CASZ1: variants seen among roughly 807,000 people sequenced by gnomAD.
CASZ1 encodes zinc finger protein castor homolog 1.
Under a neutral mutation model 135.2 loss-of-function variants are expected in CASZ1, and 28 were observed. That is an observed-to-expected ratio of 0.21 (90% CI 0.15 to 0.28). CASZ1 has a LOEUF of 0.28. CASZ1 is among the 10% of genes least tolerant of loss of function. The pLI is 1.00. For missense variants in CASZ1, 2,161 were observed against 2,453.3 expected, an observed-to-expected ratio of 0.88 and a Z score of 2.52; for synonymous variants, 1,068 against 1,073.4, an observed-to-expected ratio of 0.99 and a Z score of 0.10.
chr1:10,655,905 C>A, intron 8 of CASZ1, 92 bp from the exon 9 acceptor site: 1 of 1,331,390 alleles, frequency 7.5e-7, no homozygotes, highest in Non-Finnish European at 1.1e-6. Context: ...AGGTGCTGGC[C>A]TCAGGTCTCC....
intron 2 of CASZ1, among the ~76,000 whole-genome samples, chr1:10,712,831 C>T (rs1374568748): frequency 5.3e-5 from 8 of 152,264 alleles, no homozygotes; most frequent in Non-Finnish European, 1.2e-4. Flanking sequence ...CAATCCATCT[C>T]TCCACCATGC....
intron 6 of CASZ1, among the ~76,000 whole-genome samples, chr1:10,659,408 T>G (rs1489731065): frequency 2.0e-5 from 3 of 151,608 alleles, no homozygotes; most frequent in Admixed American, 2.0e-4. Context: ...GTGGGTGGCG[T>G]GTGTGGGGGG....
intron 1 of CASZ1, among the ~76,000 whole-genome samples, chr1:10,764,319 G>A (rs1293449526): frequency 1.3e-5 from 2 of 152,212 alleles, no homozygotes; most frequent in Non-Finnish European, 2.9e-5. Context: ...ATTCCAATAA[G>A]AATTGGACCA....
In CASZ1 at chr1:10,653,064, G is replaced by A. The variant is rs981954564; in HGVS notation, c.2680+313C>T. On this transcript the variant is annotated intron_variant, in intron 11 of 20. Coordinates refer to ENST00000377022, the MANE Select transcript of CASZ1 (RefSeq NM_001079843.3). Reference sequence around the variant, plus strand: ...GGGTGGACTTGGGATGTGGGAGGGTGAGCAGACAGGGAGGGGGGACCTGCA... The same window carrying A: ...GGGTGGACTTGGGATGTGGGAGGGTAAGCAGACAGGGAGGGGGGACCTGCA... 11 of 418,260 alleles carry A rather than the reference G, an allele frequency of 2.6e-5. No individual in the cohort carries two copies. In the East Asian group the frequency reaches 5.4e-4, roughly 20 times the overall value. The allele number at this position is 418,260 out of a possible 1,614,324, so 25.9% of individuals were successfully genotyped here.
At chr1:10,736,953 A>G (rs1489128531) in intron 2 of CASZ1, among the ~76,000 whole-genome samples, 1 of 152,146 alleles carries the variant, frequency 6.6e-6, no homozygotes, top group Non-Finnish European at 1.5e-5. Flanking sequence ...GCTGTGCCAC[A>G]CTTCACCTGG....
At chr1:10,728,875 C>T (rs1639644467) in intron 2 of CASZ1, among the ~76,000 whole-genome samples, 1 of 152,108 alleles carries the variant, frequency 6.6e-6, no homozygotes, top group African/African-American at 2.4e-5. Flanking sequence ...CTGGGCCGGG[C>T]CCAGCACACG....
Position 10,736,271 on chromosome 1 carries a change from T to G in CASZ1, c.-77+24430A>C, listed in dbSNP as rs145258131. Reference sequence around the variant, plus strand: ...CCCTCACACTCCTGGTCCCCATCACTCAGGTCCTAGAGAACACACACGTAA... The same window carrying G: ...CCCTCACACTCCTGGTCCCCATCACGCAGGTCCTAGAGAACACACACGTAA... On this transcript the variant is annotated intron_variant, in intron 2 of 20. Transcript: ENST00000377022. Among the ~76,000 whole-genome samples the G allele has an allele frequency of 3.5e-3, 533 of 152,240 alleles. 1 individual carries two copies. The highest frequency in any genetic ancestry group is 0.012 in the African/African-American group (487 of 41,548).
At position 10,747,982 on chromosome 1, in the gene CASZ1, A is replaced by T. The variant is rs1357767184; in HGVS notation, c.-77+12719T>A. Among the ~76,000 whole-genome samples, 1 of 152,090 alleles carries T rather than the reference A, an allele frequency of 6.6e-6. No homozygotes were observed. Among genetic ancestry groups the T allele is most frequent in the Non-Finnish European group, 1.5e-5 (1 of 68,008 alleles). ...GAGGCACCCGCCACCACGCCCGGCT[A>T]AGTTTTTTGTATTTTTTAGTGGAGA... is the stretch of plus-strand genomic sequence containing the variant. On this transcript the variant is annotated intron_variant, in intron 2 of 20. Transcript: ENST00000377022. The surrounding 1 kb of genome is among the most constrained non-coding windows in gnomAD (Gnocchi z 4.3).
chr1:10,649,236 G>A, intron 14 of CASZ1, 44 bp from the exon 15 acceptor site: 1 of 1,609,038 alleles, frequency 6.2e-7, no homozygotes, highest in Non-Finnish European at 8.5e-7. Context: ...GGGGCTCCAG[G>A]GCGGGTGCGG....
rs141723025 is a variant in CASZ1 at position 10,685,670 on chromosome 1, C to CG, written c.16+8203dup. Among the ~76,000 whole-genome samples the CG allele has an allele frequency of 5.6e-3, 857 of 151,944 alleles. 12 individuals are homozygous for CG. The highest frequency in any genetic ancestry group is 0.02 in the African/African-American group (812 of 41,176). On this transcript the variant is annotated intron_variant, in intron 4 of 20. Transcript: ENST00000377022. ...CTCTGAGCCACTGATCCTCAGCCCC[C>CG]GGGCACGAAGCTGGCCCCGCATGGC...
intron 3 of CASZ1, among the ~76,000 whole-genome samples, chr1:10,702,049 G>A (rs1639072710): frequency 6.6e-6 from 1 of 152,222 alleles, no homozygotes. Context: ...CCAAACATTA[G>A]ATGGGAAATA....
In CASZ1 at chr1:10,730,537, C is replaced by A. The variant is rs77123320; in HGVS notation, c.-76-24993G>T. Among the ~76,000 whole-genome samples the A allele has an allele frequency of 3.8e-3, 574 of 152,286 alleles. 19 individuals carry two copies. The East Asian group carries it at 0.092, about 24-fold the overall frequency. On this transcript the variant is annotated intron_variant, in intron 2 of 20. Transcript: ENST00000377022. ...GGAACCAGCTGCCTGCTCCAGGGAA[C>A]ACCATCTTTACCTGAAAGAGTGACT...
At chr1:10,649,262 A>T (rs772516335) in intron 14 of CASZ1, 21 bp downstream of exon 14, 1 of 1,603,308 alleles carries the variant, frequency 6.2e-7, no homozygotes, top group South Asian at 1.1e-5. Flanking sequence ...CGATGGGTGG[A>T]CGCGGCCAGC....
intron 20 of CASZ1, 99 bp downstream of exon 20, chr1:10,642,760 G>C: frequency 7.2e-7 from 1 of 1,379,326 alleles, no homozygotes. Context: ...CCTCCTCGGA[G>C]GCCGCGTGCC....
intron 3 of CASZ1, among the ~76,000 whole-genome samples, chr1:10,696,594 C>A (rs1437144652): frequency 6.6e-6 from 1 of 152,246 alleles, no homozygotes; most frequent in African/African-American, 2.4e-5. Context: ...GCTTGCAGCT[C>A]TGGCTGGTGA....
Position 10,647,068 on chromosome 1 carries a change from C to G in CASZ1, c.3497+733G>C, listed in dbSNP as rs965276688. Reference sequence around the variant, plus strand: ...CCCACGGTGGGCACTCTGACCAGGCCAGGGAAACCTGAGCTGCTACTCTGG... The same window carrying G: ...CCCACGGTGGGCACTCTGACCAGGCGAGGGAAACCTGAGCTGCTACTCTGG... On this transcript the variant is annotated intron_variant, in intron 16 of 20. Transcript: ENST00000377022. The surrounding 1 kb of genome is among the most constrained non-coding windows in gnomAD (Gnocchi z 4.9). 1.1e-4 allele frequency: 23 copies of G among 213,246 alleles called. No individual in the cohort carries two copies. In the Admixed American group the frequency reaches 1.5e-3, roughly 14 times the overall value. The allele number at this position is 213,246 out of a possible 1,614,324, so 13.2% of individuals were successfully genotyped here. A position where few individuals can be genotyped will look rare whatever the true frequency, so the allele number is the denominator to read the frequency against.
chr1:10,717,674 C>T lies in CASZ1; in HGVS notation c.-76-12130G>A, dbSNP rs1429043114. On this transcript the variant is annotated intron_variant, in intron 2 of 20. Transcript: ENST00000377022. The surrounding 1 kb of genome is among the most constrained non-coding windows in gnomAD (Gnocchi z 4.6). ...GGGGGCAGGGGGCAGGGGACAGGGG[C>T]GGAGGTAGAAAACCCTTGCCAATTC... is the stretch of plus-strand genomic sequence containing the variant. 1.3e-5 allele frequency among the ~76,000 whole-genome samples: 2 copies of T among 151,980 alleles called. No homozygotes were observed. The highest frequency in any genetic ancestry group is 1.9e-4 in the East Asian group (1 of 5,186).
In CASZ1 at chr1:10,646,604, C is replaced by A. The variant is rs72858521; in HGVS notation, c.3498-278G>T. Reference sequence around the variant, plus strand: ...ATGCTGGGACAAGTAGTTTCCATGGCCACACCTCAGGATTATAGATAAGGA... The same window carrying A: ...ATGCTGGGACAAGTAGTTTCCATGGACACACCTCAGGATTATAGATAAGGA... On this transcript the variant is annotated intron_variant, in intron 16 of 20. Coordinates refer to ENST00000377022, the MANE Select transcript of CASZ1 (RefSeq NM_001079843.3). This position sits in a 1 kb window ranked among gnomAD's most constrained non-coding sequence, Gnocchi z 6.4. Among the ~76,000 whole-genome samples, 16 of 152,338 alleles carry A rather than the reference C, an allele frequency of 1.1e-4. No individual in the cohort carries two copies. The highest frequency in any genetic ancestry group is 3.8e-4 in the African/African-American group (16 of 41,574).
rs976554909 is a variant in CASZ1 at position 10,638,981 on chromosome 1, G to GCCCAGGGCC, written c.5232_5240dup (p.Leu1746_Ala1748dup). The GCCCAGGGCC allele has an allele frequency of 1.0e-6, 1 of 981,524 alleles. No individual in the cohort carries two copies. The highest frequency in any genetic ancestry group is 1.2e-6 in the Non-Finnish European group (1 of 828,940). 60.8% of individuals were successfully genotyped at this position (981,524 alleles called of 1,614,324 possible). A position where few individuals can be genotyped will look rare whatever the true frequency, so the allele number is the denominator to read the frequency against. On this transcript the variant is annotated inframe_insertion, in exon 21 of 21. Coordinates refer to ENST00000377022, the MANE Select transcript of CASZ1 (RefSeq NM_001079843.3). This position sits in a 1 kb window ranked among gnomAD's most constrained non-coding sequence, Gnocchi z 5.9. ...CTGCAGTGGGCGCGGGGCCGGGGGC[G>GCCCAGGGCC]CCCAGGGCCGCCAGCGCCGCCAAGG...
Sources: gnomAD v4.1 joint callset for allele counts (sites outside exome capture counted in the v4.1 genomes callset) on GRCh38, gnomAD v4.1.1 for gene constraint, Gnocchi (gnomAD v3.1) non-coding constraint, MANE v1.5 for transcripts, NCBI Gene and HGNC (gene_info 2026-07-23, HGNC 2026-07-21) for gene names.